CHLSN: variants seen among roughly 807,000 people sequenced by gnomAD.
CHLSN encodes the protein cholesin.
the CHLSN span, among the ~76,000 whole-genome samples, chr7:1,117,925 C>T: frequency 3.3e-5 from 5 of 152,328 alleles, no homozygotes; most frequent in South Asian, 6.2e-4. Context: ...CCTCCCACCT[C>T]GGCCCCCCTA....
At chr7:1,017,128 C>T in the CHLSN span, among the ~76,000 whole-genome samples, 4 of 152,210 alleles carry the variant, frequency 2.6e-5, no homozygotes, top group African/African-American at 9.7e-5. Flanking sequence ...CCACGCGGGC[C>T]CAGAGCACCT....
At chr7:1,064,322 G>A in the CHLSN span, among the ~76,000 whole-genome samples, 17,476 of 152,138 alleles carry the variant, frequency 0.11, 1,240 homozygotes, top group Middle Eastern at 0.26. Flanking sequence ...AAAGACGCAC[G>A]ATGGCTCCAC....
At chr7:1,034,519 T>C in the CHLSN span, among the ~76,000 whole-genome samples, 1 of 152,106 alleles carries the variant, frequency 6.6e-6, no homozygotes, top group Non-Finnish European at 1.5e-5. Context: ...TTTCGGGACA[T>C]CGGACAGCTG....
the CHLSN span, chr7:1,028,160 C>A: frequency 7.7e-5 from 66 of 860,498 alleles, no homozygotes; most frequent in African/African-American, 1.8e-4. Context: ...CGGCCTCCCA[C>A]GGGAGCGCCC....
the CHLSN span, among the ~76,000 whole-genome samples, chr7:1,128,859 G>A: frequency 3.4e-4 from 1 of 2,934 alleles, no homozygotes. Flanking sequence ...GCAGTGGCAC[G>A]ATCTCGGCTC....
chr7:1,092,646 C>G, the CHLSN span: 8 of 1,612,920 alleles, frequency 5.0e-6, no homozygotes, highest in Non-Finnish European at 5.9e-6. Flanking sequence ...CCCTCACGGG[C>G]CACATTGTCA....
At chr7:1,071,850 G>A in the CHLSN span, among the ~76,000 whole-genome samples, 230 of 152,340 alleles carry the variant, frequency 1.5e-3, 1 homozygote, top group Admixed American at 3.1e-3. Flanking sequence ...CCACCTGAGC[G>A]GAGCCAGCCT....
chr7:1,111,128 C>A, the CHLSN span, among the ~76,000 whole-genome samples: 1 of 152,242 alleles, frequency 6.6e-6, no homozygotes, highest in Non-Finnish European at 1.5e-5. Context: ...TGGCTTGGTG[C>A]TTTGCAGTCT....
At chr7:1,016,989 G>GCAGCACACGC in the CHLSN span, among the ~76,000 whole-genome samples, 2 of 138,656 alleles carry the variant, frequency 1.4e-5, 1 homozygote, top group African/African-American at 5.5e-5. Flanking sequence ...CCAGCGCACA[G>GCAGCACACGC]CAGCGCACAG....
chr7:1,047,585 A>G, the CHLSN span, among the ~76,000 whole-genome samples: 1 of 152,236 alleles, frequency 6.6e-6, no homozygotes, highest in Admixed American at 6.5e-5. Context: ...AAAAGAAAAT[A>G]AACATTCCAG....
At chr7:1,008,861 GCA>G in the CHLSN span, among the ~76,000 whole-genome samples, 3 of 147,022 alleles carry the variant, frequency 2.0e-5, no homozygotes, top group East Asian at 2.0e-4. Flanking sequence ...GTAAACACAC[GCA>G]CACACGTGTA....
At chr7:980,617 C>A in the CHLSN span, among the ~76,000 whole-genome samples, 3 of 152,042 alleles carry the variant, frequency 2.0e-5, no homozygotes, top group Admixed American at 2.0e-4. Flanking sequence ...CCGGCCATGC[C>A]CCCCAGAGCA....
the CHLSN span, among the ~76,000 whole-genome samples, chr7:1,015,877 G>T: frequency 6.6e-6 from 1 of 152,210 alleles, no homozygotes; most frequent in Admixed American, 6.5e-5. Flanking sequence ...TCCTCCAGGG[G>T]CCCCTCTGTG....
chr7:1,059,866 TG>T, the CHLSN span, among the ~76,000 whole-genome samples: 114 of 23,876 alleles, frequency 4.8e-3, 3 homozygotes, highest in African/African-American at 5.5e-3. Context: ...GGGGCGGGTC[TG>T]TAGTGGGGCG....
chr7:1,077,113 C>T, the CHLSN span, among the ~76,000 whole-genome samples: 1 of 152,246 alleles, frequency 6.6e-6, no homozygotes, highest in Admixed American at 6.5e-5. Context: ...AAGGCCTGAG[C>T]ACTTTTCCCT....
chr7:1,136,253 A>G, the CHLSN span, among the ~76,000 whole-genome samples: 3 of 118,240 alleles, frequency 2.5e-5, no homozygotes, highest in Non-Finnish European at 4.7e-5. Context: ...ATATAAATAT[A>G]TATAAACATA....
the CHLSN span, among the ~76,000 whole-genome samples, chr7:990,889 G>A: frequency 4.0e-5 from 6 of 151,872 alleles, no homozygotes; most frequent in African/African-American, 1.4e-4. Flanking sequence ...CCAGGGCAGG[G>A]GCTGTGGAAA....
At chr7:1,054,492 T>C in the CHLSN span, among the ~76,000 whole-genome samples, 17,443 of 152,248 alleles carry the variant, frequency 0.11, 1,220 homozygotes, top group Middle Eastern at 0.26. Flanking sequence ...CGAGAGCCGG[T>C]TCAGGGCGAG....
chr7:985,295 T>C, the CHLSN span: 1 of 1,551,404 alleles, frequency 6.4e-7, no homozygotes, highest in East Asian at 2.4e-5. Context: ...GATGAGGTCA[T>C]GGTCCTCTTG....
Sources: allele counts gnomAD v4.1 joint callset (sites outside exome capture counted in the v4.1 genomes callset), GRCh38; gene constraint gnomAD v4.1.1; transcripts MANE v1.5; gene names NCBI Gene and HGNC (gene_info 2026-07-23, HGNC 2026-07-21).